Variants in THSD4 observed in about 807,000 individuals in gnomAD.
THSD4 encodes thrombospondin type 1 domain containing 4, also known as thrombospondin type-1 domain-containing protein 4.
A neutral mutation model predicts 119.0 loss-of-function variants in THSD4; 69 were observed. The observed-to-expected ratio is 0.58, with a 90% CI of 0.48 to 0.71. THSD4 has a LOEUF of 0.71. Ranked by LOEUF, THSD4 falls within the 30% of genes least tolerant of loss-of-function variation. The pLI, the probability that THSD4 is intolerant of heterozygous loss-of-function variation, is 0.00. For synonymous variants in THSD4, 524 were observed against 540.4 expected (o/e 0.97, Z 0.42); for missense variants, 1,393 against 1,391.1 (o/e 1.00, Z -0.02).
At chr15:71,145,556 CA>C (rs36057840) in intron 2 of THSD4, among the ~76,000 whole-genome samples, 9,226 of 152,088 alleles carry the variant, frequency 0.061, 381 homozygotes, top group Non-Finnish European at 0.09. Flanking sequence ...GAAATACAAC[CA>C]AAAGGGTTGA....
intron 8 of THSD4, among the ~76,000 whole-genome samples, chr15:71,723,152 T>A (rs2052755813): frequency 6.6e-6 from 1 of 152,022 alleles, no homozygotes; most frequent in Non-Finnish European, 1.5e-5. Context: ...TAGAAGTATA[T>A]CTCTCAAGTA....
At chr15:71,716,367 G>T (rs1473086792) in intron 8 of THSD4, among the ~76,000 whole-genome samples, 2 of 152,114 alleles carry the variant, frequency 1.3e-5, no homozygotes, top group Non-Finnish European at 1.5e-5. Context: ...TATGAATTTT[G>T]GGAGGACACT....
chr15:71,287,698 C>T (rs927332654), intron 6 of THSD4, among the ~76,000 whole-genome samples: 1 of 151,942 alleles, frequency 6.6e-6, no homozygotes, highest in East Asian at 1.9e-4. Context: ...AGGATGAACC[C>T]CCTGCCACCC....
intron 5 of THSD4, among the ~76,000 whole-genome samples, chr15:71,247,406 C>G (rs942884441): frequency 1.3e-5 from 2 of 152,148 alleles, no homozygotes; most frequent in African/African-American, 4.8e-5. Context: ...CGAGCAGGCT[C>G]TTGCCTTATG....
intron 7 of THSD4, among the ~76,000 whole-genome samples, chr15:71,467,270 T>C (rs1196233226): frequency 6.6e-6 from 1 of 152,194 alleles, no homozygotes; most frequent in African/African-American, 2.4e-5. Context: ...CCATCCTCGG[T>C]TCACGGCTGA....
intron 7 of THSD4, among the ~76,000 whole-genome samples, chr15:71,636,889 CTT>C (rs112472688): frequency 1.3e-4 from 19 of 144,720 alleles, no homozygotes; most frequent in Non-Finnish European, 1.4e-4. Context: ...ATATTTTTTT[CTT>C]TTTTTTTTTT....
At chr15:71,503,213 C>T (rs1390701437) in intron 7 of THSD4, among the ~76,000 whole-genome samples, 2 of 152,048 alleles carry the variant, frequency 1.3e-5, no homozygotes, top group Admixed American at 6.6e-5. Context: ...GGGAACAGCA[C>T]GTGCAAAGAC....
intron 1 of THSD4, among the ~76,000 whole-genome samples, chr15:71,134,701 G>A (rs1163085906): frequency 6.6e-6 from 1 of 152,218 alleles, no homozygotes; most frequent in African/African-American, 2.4e-5. Flanking sequence ...TCGCCACACT[G>A]ACTTCCACAA....
intron 6 of THSD4, among the ~76,000 whole-genome samples, chr15:71,275,789 T>C (rs906058405): frequency 6.6e-6 from 1 of 152,178 alleles, no homozygotes; most frequent in African/African-American, 2.4e-5. Context: ...TCTGTTGGTT[T>C]TATAAGGGGC....
chr15:71,172,753 A>G (rs2043393627), intron 3 of THSD4, among the ~76,000 whole-genome samples: 1 of 126,668 alleles, frequency 7.9e-6, no homozygotes, highest in Admixed American at 7.9e-5. Context: ...TTGATTTTTT[A>G]TAAAGGAGAA....
At chr15:71,634,474 G>A (rs2050698419) in intron 7 of THSD4, among the ~76,000 whole-genome samples, 1 of 152,194 alleles carries the variant, frequency 6.6e-6, no homozygotes, top group Non-Finnish European at 1.5e-5. Flanking sequence ...TGAGTATTTA[G>A]GTAAGCACAA....
At chr15:71,595,534 T>C (rs1190794373) in intron 7 of THSD4, among the ~76,000 whole-genome samples, 1 of 152,232 alleles carries the variant, frequency 6.6e-6, no homozygotes, top group African/African-American at 2.4e-5. Flanking sequence ...GTAAGTCCAA[T>C]TAAACCTCTT....
intron 7 of THSD4, among the ~76,000 whole-genome samples, chr15:71,616,455 T>A (rs780515519): frequency 6.6e-5 from 10 of 152,084 alleles, no homozygotes; most frequent in Non-Finnish European, 1.3e-4. Context: ...ACCAGTAATA[T>A]AGGGTTCCAA....
chr15:71,666,278 A>AT (rs2051415465), intron 8 of THSD4, among the ~76,000 whole-genome samples: 1 of 152,022 alleles, frequency 6.6e-6, no homozygotes, highest in Non-Finnish European at 1.5e-5. Flanking sequence ...ATTTTAAATG[A>AT]TTTTTTAAGC....
At chr15:71,488,144 T>C (rs2047851772) in intron 7 of THSD4, among the ~76,000 whole-genome samples, 1 of 152,216 alleles carries the variant, frequency 6.6e-6, no homozygotes, top group Admixed American at 6.5e-5. Flanking sequence ...CAGCGGTAGA[T>C]TTATTGTTAT....
chr15:71,467,013 C>T (rs193203322), intron 7 of THSD4, among the ~76,000 whole-genome samples: 6 of 152,310 alleles, frequency 3.9e-5, no homozygotes, highest in Non-Finnish European at 7.3e-5. Context: ...CTCACATCCC[C>T]GGAAGTCTTA....
chr15:71,579,407 A>T (rs1183772694), intron 7 of THSD4, among the ~76,000 whole-genome samples: 1 of 152,170 alleles, frequency 6.6e-6, no homozygotes, highest in Non-Finnish European at 1.5e-5. Context: ...AAGCCTATGG[A>T]GTTCCGATGA....
chr15:71,559,841 G>A (rs912012892), intron 7 of THSD4, among the ~76,000 whole-genome samples: 6 of 152,138 alleles, frequency 3.9e-5, no homozygotes, highest in African/African-American at 1.4e-4. Flanking sequence ...GATTAATTGT[G>A]GTTAGCATAT....
upstream of THSD4, chr15:71,111,966 T>G: frequency 2.8e-6 from 2 of 712,950 alleles, no homozygotes; most frequent in Non-Finnish European, 4.5e-6. Flanking sequence ...GCAATCTCAG[T>G]GCTTATAAGT....
Sources: gnomAD v4.1 joint callset for allele counts (sites outside exome capture counted in the v4.1 genomes callset) on GRCh38, gnomAD v4.1.1 for gene constraint, MANE v1.5 for transcripts, NCBI Gene and HGNC (gene_info 2026-07-23, HGNC 2026-07-21) for gene names.